The following KCNJ18 variants were observed in gnomAD, a reference collection of about 807,000 sequenced individuals.
KCNJ18 encodes the protein potassium inwardly rectifying channel subfamily J member 18, also known as inward rectifier potassium channel 18.
KCNJ18 carries 16 observed loss-of-function variants against 17.3 expected under a neutral mutation model. The observed-to-expected ratio is 0.92, with a 90% CI of 0.62 to 1.40. The LOEUF is 1.40. Among genes scored for constraint, KCNJ18 ranks in the 40% most tolerant of loss-of-function variants. The pLI is 0.00. For missense variants in KCNJ18, 462 were observed against 626.8 expected (o/e 0.74, Z 2.81); for synonymous variants, 185 against 262.6 (o/e 0.70, Z 2.86).
rs1159229233 is a variant in KCNJ18, at chr17:21,703,583, C to T, written c.797C>T (p.Ser266Leu). 3.7e-5 allele frequency: 59 copies of T among 1,612,834 alleles called. No individual in the cohort carries two copies. The highest frequency in any genetic ancestry group is 1.8e-4 in the Admixed American group (11 of 59,946). Residue 266 changes from serine (S) to leucine (L), a missense_variant, in exon 3 of 3, where the codon TCG becomes TTG. Transcript: ENST00000567955. ...DKGLDRIFLV[S>L]PITILHEIDE... Reference sequence around the variant, plus strand: ...GGCCTGGACCGCATCTTTCTGGTGTCGCCCATCACCATCTTGCATGAAATT... The same window carrying T: ...GGCCTGGACCGCATCTTTCTGGTGTTGCCCATCACCATCTTGCATGAAATT...
At chr17:21,701,840 G>A (rs1905963598) in intron 2 of KCNJ18, among the ~76,000 whole-genome samples, 2 of 152,284 alleles carry the variant, frequency 1.3e-5, no homozygotes, top group African/African-American at 4.8e-5. Flanking sequence ...GAACCTAGGA[G>A]GCGGAGATGG....
At chr17:21,697,863 G>A (rs1185899536) in intron 2 of KCNJ18, among the ~76,000 whole-genome samples, 1 of 152,312 alleles carries the variant, frequency 6.6e-6, no homozygotes, top group Non-Finnish European at 1.5e-5. Context: ...TGCTCTGGAT[G>A]CAGTGGATGA....
intron 1 of KCNJ18, among the ~76,000 whole-genome samples, chr17:21,694,286 C>A (rs1164390558): frequency 6.6e-6 from 1 of 151,966 alleles, no homozygotes; most frequent in South Asian, 2.1e-4. Flanking sequence ...GGTGGCTCAC[C>A]GTGGAGATCC....
intron 2 of KCNJ18, among the ~76,000 whole-genome samples, chr17:21,702,366 C>A (rs1905987934): frequency 3.3e-5 from 5 of 152,196 alleles, no homozygotes; most frequent in Admixed American, 1.3e-4. Context: ...GCCATGGAGA[C>A]TGGGGGGCCA....
chr17:21,701,260 C>T (rs1268196078), intron 2 of KCNJ18, among the ~76,000 whole-genome samples: 2 of 152,290 alleles, frequency 1.3e-5, no homozygotes, highest in Non-Finnish European at 2.9e-5. Flanking sequence ...TGCTGCGGGG[C>T]CTGTCTTGGG....
chr17:21,698,933 T>C (rs1905851536), intron 2 of KCNJ18, among the ~76,000 whole-genome samples: 1 of 152,264 alleles, frequency 6.6e-6, no homozygotes, highest in African/African-American at 2.4e-5. Flanking sequence ...AACCGCCTTG[T>C]CTAGCTCAGG....
At chr17:21,696,776 C>G (rs1905770774) in intron 2 of KCNJ18, among the ~76,000 whole-genome samples, 1 of 151,546 alleles carries the variant, frequency 6.6e-6, no homozygotes, top group Non-Finnish European at 1.5e-5. Flanking sequence ...GGAGGAAGAG[C>G]AGGAGGAGAC....
intron 2 of KCNJ18, among the ~76,000 whole-genome samples, chr17:21,702,185 G>A (rs1431135169): frequency 6.6e-5 from 10 of 152,174 alleles, no homozygotes; most frequent in Admixed American, 5.2e-4. Flanking sequence ...TTGAGGGACA[G>A]CCTGGTGCCA....
chr17:21,694,159 G>A (rs1412473057), intron 1 of KCNJ18, among the ~76,000 whole-genome samples: 3 of 136,276 alleles, frequency 2.2e-5, no homozygotes, highest in African/African-American at 8.5e-5. Context: ...CTCACCAACA[G>A]TTGCCTTAAT....
In KCNJ18 at chr17:21,704,336, A is replaced by G. The variant is rs1317338239; in HGVS notation, c.*248A>G. On this transcript the variant is annotated 3_prime_UTR_variant, in exon 3 of 3. Transcript: ENST00000567955. ...CAAAGAAGTGGCCTCCTGGGGGGCC[A>G]GGCCACGGGGGCCAGGGCTTCTGCC... 7.4e-4 allele frequency: 374 copies of G among 506,890 alleles called. No individual in the cohort carries two copies. Among genetic ancestry groups the G allele is most frequent in the Middle Eastern group, 1.1e-3 (2 of 1,812 alleles). The allele number at this position is 506,890 out of a possible 1,614,324, so 31.4% of individuals were successfully genotyped here.
At chr17:21,698,427 C>T (rs1311032329) in intron 2 of KCNJ18, among the ~76,000 whole-genome samples, 1 of 152,040 alleles carries the variant, frequency 6.6e-6, no homozygotes, top group Admixed American at 6.6e-5. Context: ...GTTCGTGCCT[C>T]ATGAGGCGCC....
At chr17:21,699,123 C>A (rs1379543049) in intron 2 of KCNJ18, among the ~76,000 whole-genome samples, 4 of 152,220 alleles carry the variant, frequency 2.6e-5, no homozygotes, top group Non-Finnish European at 5.9e-5. Context: ...GTTCTCCCAT[C>A]TGTGAAATGG....
At chr17:21,694,973 G>T (rs1380982494) in intron 1 of KCNJ18, among the ~76,000 whole-genome samples, 3 of 147,744 alleles carry the variant, frequency 2.0e-5, no homozygotes, top group Admixed American at 6.7e-5. Flanking sequence ...CCAATCATCT[G>T]CCCATCCATC....
At chr17:21,699,810 A>T in intron 2 of KCNJ18, among the ~76,000 whole-genome samples, 1 of 152,418 alleles carries the variant, frequency 6.6e-6, no homozygotes, top group Middle Eastern at 3.4e-3. Flanking sequence ...CCAGTCTGGT[A>T]GCTGGCCAGT....
Position 21,699,442 on chromosome 17 carries a change from C to T in KCNJ18, c.-56-3289C>T, listed in dbSNP as rs1453362643. ...TGTGGTGCTGTATTCACCAAGTGCC[C>T]AGTGAGGGGGCTCCCAGCACCCCTG... On this transcript the variant is annotated intron_variant, in intron 2 of 2. Transcript: ENST00000567955. 2.6e-5 allele frequency among the ~76,000 whole-genome samples: 4 copies of T among 152,260 alleles called. No homozygotes were observed. In the East Asian group the frequency reaches 7.7e-4, roughly 29 times the overall value.
chr17:21,699,393 A>C (rs1322882972), intron 2 of KCNJ18, among the ~76,000 whole-genome samples: 2 of 152,244 alleles, frequency 1.3e-5, no homozygotes, highest in East Asian at 3.9e-4. Flanking sequence ...TTTCTATGCC[A>C]GGGTCCCCTT....
intron 1 of KCNJ18, among the ~76,000 whole-genome samples, chr17:21,695,070 T>TTCACCCA (rs1905717515): frequency 6.6e-6 from 1 of 152,152 alleles, no homozygotes; most frequent in South Asian, 2.1e-4. Flanking sequence ...CACCCATCTA[T>TTCACCCA]CCCTCCATTC....
chr17:21,699,007 C>A (rs1293840351), intron 2 of KCNJ18, among the ~76,000 whole-genome samples: 14 of 152,162 alleles, frequency 9.2e-5, no homozygotes, highest in Non-Finnish European at 1.5e-4. Context: ...GGCAGGCCAA[C>A]CCCGGTGTCT....
At chr17:21,698,750 C>T (rs1905845746) in intron 2 of KCNJ18, among the ~76,000 whole-genome samples, 1 of 152,152 alleles carries the variant, frequency 6.6e-6, no homozygotes, top group Admixed American at 6.5e-5. Context: ...TCTAAAAGCT[C>T]CCAGCCCAGG....
Sources: allele counts gnomAD v4.1 joint callset (sites outside exome capture counted in the v4.1 genomes callset), GRCh38; gene constraint gnomAD v4.1.1; transcripts MANE v1.5; gene names NCBI Gene and HGNC (gene_info 2026-07-23, HGNC 2026-07-21).